The following ZNF7 variants were observed in gnomAD, a reference collection of about 807,000 sequenced individuals.
ZNF7 encodes C2-H2 type zinc finger protein.
A neutral mutation model predicts 12.0 loss-of-function variants in ZNF7; 10 were observed. The ratio of observed to expected loss-of-function variants is 0.83; its 90% CI spans 0.51 to 1.42. ZNF7 has a LOEUF of 1.42. Among genes scored for constraint, ZNF7 ranks in the 40% most tolerant of loss-of-function variants. ZNF7 has a pLI of 0.00. For missense variants in ZNF7, 854 were observed against 837.2 expected (o/e 1.02, Z -0.25); for synonymous variants, 334 against 295.0 (o/e 1.13, Z -1.35).
intron 4 of ZNF7, 23 bp downstream of exon 4, chr8:144,837,530 G>A: frequency 6.4e-7 from 1 of 1,568,054 alleles, no homozygotes; most frequent in East Asian, 2.3e-5. Context: ...TCCCATCGCA[G>A]AGAAGCCCTG....
At chr8:144,846,063 A>G (rs201207389), downstream of ZNF7, 172 of 1,536,292 alleles carry the variant, frequency 1.1e-4, no homozygotes, top group Non-Finnish European at 1.5e-4. Context: ...CTTCCAAAAC[A>G]CTGCTCACAA....
chr8:144,837,453 G>A lies in ZNF7; in HGVS notation c.193G>A (p.Val65Ile), dbSNP rs776623049. 45 of 1,613,248 alleles carry A rather than the reference G, an allele frequency of 2.8e-5. No homozygotes were observed. The highest frequency in any genetic ancestry group is 3.5e-5 in the Non-Finnish European group (41 of 1,179,246). Reference protein sequence around the residue: ...SRLEQGEEPWVLDLQGAEGTE... With the variant: ...SRLEQGEEPWILDLQGAEGTE... ...GCTGGAGCAGGGAGAAGAGCCATGG[G>A]TCCTCGACCTGCAGGGAGCAGAGGG... Residue 65 changes from valine (V) to isoleucine (I), a missense_variant, in exon 4 of 5, where the codon GTC (valine) becomes ATC (isoleucine). Val to Ile is a conservative substitution (Grantham distance 29). Transcript: ENST00000532777.
chr8:144,844,709 CAAAAAA>C (rs71320849), downstream of ZNF7, among the ~76,000 whole-genome samples: 4 of 88,646 alleles, frequency 4.5e-5, no homozygotes, highest in Admixed American at 1.3e-4. Context: ...GACTCTGTAT[CAAAAAA>C]AAAAAAAAAA....
Position 144,837,005 on chromosome 8 carries a change from C to T in ZNF7, c.131-386C>T, listed in dbSNP as rs546252069. 14 of 165,538 alleles carry T rather than the reference C, an allele frequency of 8.5e-5. No homozygotes were observed. In the South Asian group the frequency reaches 2.8e-3, roughly 33 times the overall value. 10.3% of individuals were successfully genotyped at this position (165,538 alleles called of 1,614,324 possible). Reference sequence around the variant, plus strand: ...TGTTTGTTACCTTATTTTGTAACCACCCCTGCCTCTTGGAGCATCTCTGCT... The same window carrying T: ...TGTTTGTTACCTTATTTTGTAACCATCCCTGCCTCTTGGAGCATCTCTGCT... On this transcript the variant is annotated intron_variant, in intron 3 of 4. Transcript: ENST00000532777.
rs754083127 is a variant in ZNF7, at chr8:144,842,107, T to C, written c.1000T>C (p.Tyr334His). ...HQRIHTGERP[Y>H]GCRECGKAFS... ...GAGAATCCACACAGGAGAGAGGCCC[T>C]ATGGTTGTCGTGAGTGTGGGAAAGC... The change falls in exon 5 of 5, where the codon TAT (tyrosine) becomes CAT (histidine). Residue 334 changes from tyrosine to histidine, a missense_variant. Tyr to His is a moderately conservative substitution (Grantham distance 83). Transcript: ENST00000532777. 5 of 1,614,120 alleles carry C rather than the reference T, an allele frequency of 3.1e-6. No homozygotes were observed. In the Admixed American group the frequency reaches 6.7e-5, roughly 22 times the overall value.
At chr8:144,840,986 G>A in intron 4 of ZNF7, 1 of 216,080 alleles carries the variant, frequency 4.6e-6, no homozygotes. Flanking sequence ...CTCGGATGCT[G>A]GAGCCCCTGA....
At chr8:144,829,303 C>G in intron 2 of ZNF7, 175 bp from the exon 3 acceptor site, 1 of 1,537,310 alleles carries the variant, frequency 6.5e-7, no homozygotes, top group Non-Finnish European at 8.7e-7. Context: ...CCACCATGGA[C>G]TGGGTTCCTT....
In ZNF7 at chr8:144,841,473, T is replaced by TG; in HGVS notation, c.368dup (p.Asp124ArgfsTer4). ...AGGACTTTCCTCAGAATCCTGGCTT[T>TG]GGAGACGTTTCTGATTCTGAGGTCT... is the stretch of plus-strand genomic sequence containing the variant. On this transcript the variant is annotated frameshift_variant, in exon 5 of 5. Coordinates refer to ENST00000532777, the MANE Select transcript of ZNF7 (RefSeq NM_003416.4). LOFTEE classifies it low-confidence loss of function (END_TRUNC). 6.2e-7 allele frequency: 1 copy of TG among 1,614,234 alleles called. No homozygotes were observed. Among genetic ancestry groups the TG allele is most frequent in the Non-Finnish European group, 8.5e-7 (1 of 1,180,048 alleles).
intron 1 of ZNF7, 197 bp downstream of exon 1, chr8:144,827,806 G>A: frequency 1.3e-5 from 7 of 546,752 alleles, no homozygotes; most frequent in Non-Finnish European, 1.6e-5. Context: ...CCCCGCGGCG[G>A]CGCGAGGTGG....
downstream of ZNF7, among the ~76,000 whole-genome samples, chr8:144,844,968 G>T (rs796962254): frequency 2.0e-5 from 3 of 152,180 alleles, no homozygotes; most frequent in African/African-American, 7.2e-5. Flanking sequence ...AAAAGAACTT[G>T]AGCTGCAGTG....
rs571267193 is a variant in ZNF7, at chr8:144,829,276, G to C, written c.3+186G>C. On this transcript the variant is annotated intron_variant, in intron 2 of 4. Coordinates refer to ENST00000532777, the MANE Select transcript of ZNF7 (RefSeq NM_003416.4). The stretch of plus-strand genomic sequence containing the variant: ...CCAGGGCCTAATTGAGGCTCTTGAG[G>C]GGGGAGGGTTGTATGACCACCATGG... 4.6e-6 allele frequency: 7 copies of C among 1,531,466 alleles called. No homozygotes were observed. In the East Asian group the frequency reaches 6.9e-5, roughly 15 times the overall value. The allele number at this position is 1,531,466 out of a possible 1,614,324, so 94.9% of individuals were successfully genotyped here. A position where few individuals can be genotyped will look rare whatever the true frequency, so the allele number is the denominator to read the frequency against.
Position 144,842,025 on chromosome 8 carries a change from CAGATGTGAGG to C in ZNF7, c.920_929del (p.Arg307AsnfsTer68), listed in dbSNP as rs769827022. 2 of 1,613,910 alleles carry C rather than the reference CAGATGTGAGG, an allele frequency of 1.2e-6. No homozygotes were observed. Among genetic ancestry groups the C allele is most frequent in the Non-Finnish European group, 8.5e-7 (1 of 1,179,938 alleles). The stretch of plus-strand genomic sequence containing the variant: ...GAATCCACACTGGGGAGAAGCCCTA[CAGATGTGAGG>C]AATGTGGAAAAGCTTTTGGTCAGAG... On this transcript the variant is annotated frameshift_variant, in exon 5 of 5. Transcript: ENST00000532777. LOFTEE classifies it low-confidence loss of function (END_TRUNC).
chr8:144,833,079 T>G (rs1014445687), intron 3 of ZNF7, among the ~76,000 whole-genome samples: 1 of 151,204 alleles, frequency 6.6e-6, no homozygotes, highest in African/African-American at 2.4e-5. Context: ...ACGCCTGTAA[T>G]CCCAGCTACT....
intron 4 of ZNF7, among the ~76,000 whole-genome samples, chr8:144,839,814 G>A (rs940195457): frequency 8.5e-5 from 13 of 152,246 alleles, no homozygotes; most frequent in Non-Finnish European, 1.5e-4. Flanking sequence ...CAGTGGAGGA[G>A]CGGCCAGGTC....
At position 144,829,558 on chromosome 8, in the gene ZNF7, C is replaced by T; in HGVS notation, c.84C>T (p.Leu28=). 3.1e-6 allele frequency: 5 copies of T among 1,614,008 alleles called. No individual in the cohort carries two copies. Among genetic ancestry groups the T allele is most frequent in the Non-Finnish European group, 4.2e-6 (5 of 1,179,906 alleles). Residue 28 remains leucine, a synonymous_variant, in exon 3 of 5, where the codon CTC becomes CTT. Transcript: ENST00000532777. ...GTCTGGACCCTGGCCAGAGGGCCCT[C>T]TACAGGGAAGTGATGCTGGAGAACC... The part of the protein sequence containing the change: ...WQCLDPGQRA[L]YREVMLENHS...
Position 144,842,139 on chromosome 8 carries a change from C to G in ZNF7, c.1032C>G (p.Ser344Arg). 6.2e-7 allele frequency: 1 copy of G among 1,613,760 alleles called. No homozygotes were observed. ...GTCGTGAGTGTGGGAAAGCCTTCAG[C>G]CAGCAGTCGCAGCTGGTTAGACACC... ...YGCRECGKAF[S>R]QQSQLVRHQR... Residue 344 changes from serine (S) to arginine (R), a missense_variant, in exon 5 of 5, where the codon AGC becomes AGG. Transcript: ENST00000532777.
At chr8:144,837,794 A>C (rs1247514275) in intron 4 of ZNF7, among the ~76,000 whole-genome samples, 1 of 152,046 alleles carries the variant, frequency 6.6e-6, no homozygotes, top group Non-Finnish European at 1.5e-5. Flanking sequence ...TTTTAATTTT[A>C]CTCATACTTT....
intron 4 of ZNF7, among the ~76,000 whole-genome samples, chr8:144,839,028 T>C (rs574358094): frequency 2.2e-4 from 32 of 144,014 alleles, no homozygotes; most frequent in African/African-American, 8.4e-4. Context: ...TCCATTCATA[T>C]GCGCCTAGGG....
chr8:144,828,825 A>G, intron 1 of ZNF7: 1 of 603,128 alleles, frequency 1.7e-6, no homozygotes. Flanking sequence ...TTGTGGAGTG[A>G]GTCACACATG....
Sources: gnomAD v4.1 joint callset for allele counts (sites outside exome capture counted in the v4.1 genomes callset) on GRCh38, gnomAD v4.1.1 for gene constraint, MANE v1.5 for transcripts, NCBI Gene and HGNC (gene_info 2026-07-23, HGNC 2026-07-21) for gene names.